The following MEGF8 variants were observed in gnomAD, a reference collection of about 807,000 sequenced individuals.
MEGF8 encodes the protein multiple epidermal growth factor-like domains protein 8.
In MEGF8, 156 loss-of-function variants were observed where a neutral mutation model predicts 302.9. That is an observed-to-expected ratio of 0.52 (90% CI 0.45 to 0.59). MEGF8 has a LOEUF of 0.59. Among genes scored for constraint, MEGF8 ranks in the 20% least tolerant of loss-of-function variants. MEGF8 has a pLI of 0.00. For missense variants in MEGF8, 3,345 were observed against 3,964.5 expected (o/e 0.84, Z 4.20); for synonymous variants, 1,621 against 1,660.5 (o/e 0.98, Z 0.58).
At chr19:42,332,790 A>G (rs2039072175) in intron 1 of MEGF8, among the ~76,000 whole-genome samples, 1 of 152,132 alleles carries the variant, frequency 6.6e-6, no homozygotes, top group Admixed American at 6.6e-5. Context: ...CTGTTTTTTT[A>G]TTGGTCAAGC....
At position 42,338,025 on chromosome 19, in the gene MEGF8, C is replaced by CA. The variant is rs1250422817; in HGVS notation, c.1513+822dup. 2.0e-5 allele frequency among the ~76,000 whole-genome samples: 3 copies of CA among 152,050 alleles called. No individual in the cohort carries two copies. The East Asian group carries it at 5.8e-4, about 29-fold the overall frequency. ...TTCATCATGTTGGCCAGGCCAGTCT[C>CA]AAACTCCTGACCTCAAGTGATCCTC... is the stretch of plus-strand genomic sequence containing the variant. On this transcript the variant is annotated intron_variant, in intron 8 of 41. Transcript: ENST00000251268.
At chr19:42,373,239 C>T (rs1034662677) in intron 41 of MEGF8, among the ~76,000 whole-genome samples, 21 of 151,392 alleles carry the variant, frequency 1.4e-4, no homozygotes, top group Non-Finnish European at 2.9e-5. Context: ...ACTACAGGCA[C>T]GTACCACCAC....
In MEGF8 at chr19:42,360,845, G is replaced by A. The variant is rs36016565; in HGVS notation, c.5559G>A (p.Leu1853=). 1.1e-4 allele frequency: 177 copies of A among 1,612,844 alleles called. No homozygotes were observed. The Middle Eastern group carries it at 1.8e-3, about 17-fold the overall frequency. Residue 1853 remains leucine, a synonymous_variant, in exon 32 of 42, where the codon CTG becomes CTA. Transcript: ENST00000251268. ...CTGTGGCAGCAGTCGGGAGCCGCCTGTATATCTCTGGGGGTTTCGGGGGAG... is the reference window on the plus strand; with the variant it reads ...CTGTGGCAGCAGTCGGGAGCCGCCTATATATCTCTGGGGGTTTCGGGGGAG... The part of the protein sequence containing the change: ...AHAVAAVGSR[L]YISGGFGGVA...
chr19:42,369,836 G>T lies in MEGF8; in HGVS notation c.6834+113G>T, dbSNP rs950288705. The stretch of plus-strand genomic sequence containing the variant: ...CCTGAGCCCTGATAAGCCAGGGACA[G>T]ATAAGCCAGAGCCCTGTCCCAGGGA... On this transcript the variant is annotated intron_variant, in intron 38 of 41. Coordinates refer to ENST00000251268, the MANE Select transcript of MEGF8 (RefSeq NM_001271938.2). The surrounding 1 kb of genome is among the most constrained non-coding windows in gnomAD (Gnocchi z 5.7). 11 of 1,211,532 alleles carry T rather than the reference G, an allele frequency of 9.1e-6. No individual in the cohort carries two copies. Among genetic ancestry groups the T allele is most frequent in the African/African-American group, 7.6e-5 (5 of 66,074 alleles). The allele number at this position is 1,211,532 out of a possible 1,614,324, so 75.0% of individuals were successfully genotyped here.
rs1356021231 is a variant in MEGF8, at chr19:42,358,666, T to G, written c.5176-121T>G. On this transcript the variant is annotated intron_variant, in intron 29 of 41. Coordinates refer to ENST00000251268, the MANE Select transcript of MEGF8 (RefSeq NM_001271938.2). This position sits in a 1 kb window ranked among gnomAD's most constrained non-coding sequence, Gnocchi z 4.4. The stretch of plus-strand genomic sequence containing the variant: ...GTGTGGGAGGGCAGGGAGCCCTGTC[T>G]GCACTGGTTAGAGAGGCTGGTGGTT... 8.2e-7 allele frequency: 1 copy of G among 1,215,128 alleles called. No individual in the cohort carries two copies. The highest frequency in any genetic ancestry group is 1.6e-5 in the South Asian group (1 of 61,510). The allele number at this position is 1,215,128 out of a possible 1,614,324, so 75.3% of individuals were successfully genotyped here.
chr19:42,367,944 CAG>C (rs1365893588), intron 35 of MEGF8, among the ~76,000 whole-genome samples: 1 of 152,124 alleles, frequency 6.6e-6, no homozygotes, highest in East Asian at 1.9e-4. Context: ...TTTTTTGAGA[CAG>C]AGTCTTACTC....
rs765273470 is a variant in MEGF8 at position 42,344,679 on chromosome 19, G to A, written c.1943G>A (p.Arg648His). 41 of 1,579,984 alleles carry A rather than the reference G, an allele frequency of 2.6e-5. No homozygotes were observed. Among genetic ancestry groups the A allele is most frequent in the Admixed American group, 1.6e-4 (9 of 56,976 alleles). The part of the protein sequence containing the change: ...ESCLPRPEQA[R>H]CRGEQISGTV... Reference sequence around the variant, plus strand: ...CCCCCTGTCTTCTCAGAGCAGGCCCGCTGCCGAGGGGAGCAGATCTCAGGC... The same window carrying A: ...CCCCCTGTCTTCTCAGAGCAGGCCCACTGCCGAGGGGAGCAGATCTCAGGC... Residue 648 changes from arginine to histidine, a missense_variant, in exon 12 of 42, where the codon CGC (arginine) becomes CAC (histidine). Transcript: ENST00000251268. This position sits in a 1 kb window ranked among gnomAD's most constrained non-coding sequence, Gnocchi z 4.5.
rs116997565 is a variant in MEGF8, at chr19:42,370,027, C to T, written c.6835-162C>T. On this transcript the variant is annotated intron_variant, in intron 38 of 41. Transcript: ENST00000251268. ...CTCAGCACTTTGGGCTGCAGGTGTGCAAGGGAAGGCGGGGGCTAAATCCCG... is the reference window on the plus strand; with the variant it reads ...CTCAGCACTTTGGGCTGCAGGTGTGTAAGGGAAGGCGGGGGCTAAATCCCG... Among the ~76,000 whole-genome samples the T allele has an allele frequency of 8.7e-4, 132 of 152,286 alleles. 2 individuals carry two copies. The East Asian group carries it at 0.02, about 23-fold the overall frequency.
In MEGF8 at chr19:42,357,858, C is replaced by G. The variant is rs375601009; in HGVS notation, c.5011+274C>G. Among the ~76,000 whole-genome samples the G allele has an allele frequency of 1.1e-4, 17 of 152,286 alleles. No individual in the cohort carries two copies. Among genetic ancestry groups the G allele is most frequent in the Admixed American group, 5.9e-4 (9 of 15,308 alleles). Reference sequence around the variant, plus strand: ...TGCTTCTCAAGGGTTCTTCCTCGATCACACCTCCTTTCTTTGATCACTGTC... The same window carrying G: ...TGCTTCTCAAGGGTTCTTCCTCGATGACACCTCCTTTCTTTGATCACTGTC... On this transcript the variant is annotated intron_variant, in intron 28 of 41. Transcript: ENST00000251268. This position sits in a 1 kb window ranked among gnomAD's most constrained non-coding sequence, Gnocchi z 5.2.
chr19:42,334,493 C>T (rs2039098263), intron 3 of MEGF8, among the ~76,000 whole-genome samples: 1 of 152,128 alleles, frequency 6.6e-6, no homozygotes, highest in African/African-American at 2.4e-5. Flanking sequence ...TCCAGCCAGG[C>T]CCAAATCTGT....
intron 41 of MEGF8, among the ~76,000 whole-genome samples, chr19:42,372,748 A>C (rs1317482129): frequency 6.7e-6 from 1 of 150,186 alleles, no homozygotes; most frequent in Non-Finnish European, 1.5e-5. Flanking sequence ...TCTTTGCTCG[A>C]GGCAGCCTCC....
Position 42,354,773 on chromosome 19 carries a change from G to A in MEGF8, c.4144+53G>A. On this transcript the variant is annotated intron_variant, in intron 23 of 41. Coordinates refer to ENST00000251268, the MANE Select transcript of MEGF8 (RefSeq NM_001271938.2). The surrounding 1 kb of genome is among the most constrained non-coding windows in gnomAD (Gnocchi z 4.3). ...CTTAGTCCTGGGCTATGTATCCCTT[G>A]CCCCTGAACTCACCACCTGAAGTGG... is the stretch of plus-strand genomic sequence containing the variant. 1.3e-6 allele frequency: 2 copies of A among 1,535,912 alleles called. No individual in the cohort carries two copies. Among genetic ancestry groups the A allele is most frequent in the Non-Finnish European group, 1.8e-6 (2 of 1,142,082 alleles).
intron 1 of MEGF8, among the ~76,000 whole-genome samples, chr19:42,330,286 T>C (rs1352289354): frequency 6.6e-6 from 1 of 152,086 alleles, no homozygotes; most frequent in African/African-American, 2.4e-5. Context: ...AGGAGGGAGT[T>C]TGGGATCAGA....
chr19:42,376,843 C>G lies in MEGF8; in HGVS notation c.*68C>G, dbSNP rs938270668. ...GGGCCGCCCTGGACTTGGGGTCCCT[C>G]CACCTGGGGGCCCCTGGACACTGTC... On this transcript the variant is annotated 3_prime_UTR_variant, in exon 42 of 42. Coordinates refer to ENST00000251268, the MANE Select transcript of MEGF8 (RefSeq NM_001271938.2). This position sits in a 1 kb window ranked among gnomAD's most constrained non-coding sequence, Gnocchi z 8.2. 5 of 1,403,666 alleles carry G rather than the reference C, an allele frequency of 3.6e-6. No individual in the cohort carries two copies. The African/African-American group carries it at 4.4e-5, about 12-fold the overall frequency. The allele number at this position is 1,403,666 out of a possible 1,614,324, so 87.0% of individuals were successfully genotyped here. A position where few individuals can be genotyped will look rare whatever the true frequency, so the allele number is the denominator to read the frequency against.
rs1206029 is a variant in MEGF8 at position 42,349,849 on chromosome 19, T to G, written c.2499+150T>G. On this transcript the variant is annotated intron_variant, in intron 14 of 41. Coordinates refer to ENST00000251268, the MANE Select transcript of MEGF8 (RefSeq NM_001271938.2). ...TGGCCTCTGAACTCTGGACCTCCTC[T>G]TGAACCCTGTGGCCCCTGACCTCTG... is the stretch of plus-strand genomic sequence containing the variant. 0.063 allele frequency: 50,816 copies of G among 811,498 alleles called. 2,192 individuals carry two copies. Among genetic ancestry groups the G allele is most frequent in the South Asian group, 0.15 (8,811 of 57,364 alleles). The allele number at this position is 811,498 out of a possible 1,614,324, so 50.3% of individuals were successfully genotyped here.
At position 42,357,475 on chromosome 19, in the gene MEGF8, C is replaced by T. The variant is rs753094166; in HGVS notation, c.4902C>T (p.Leu1634=). The part of the protein sequence containing the change: ...TLTARRGLSL[L]LVGGYSPENG... ...CTGCCCGCCGAGGCCTGTCTCTGCT[C>T]CTGGTGGGCGGTTACTCCCCGGAAA... The change falls in exon 28 of 42, where the codon CTC becomes CTT. Residue 1634 remains leucine, a synonymous_variant. Coordinates refer to ENST00000251268, the MANE Select transcript of MEGF8 (RefSeq NM_001271938.2). This position sits in a 1 kb window ranked among gnomAD's most constrained non-coding sequence, Gnocchi z 5.2. 2.5e-6 allele frequency: 4 copies of T among 1,613,822 alleles called. No homozygotes were observed. Among genetic ancestry groups the T allele is most frequent in the Non-Finnish European group, 3.4e-6 (4 of 1,179,816 alleles).
At position 42,356,785 on chromosome 19, in the gene MEGF8, G is replaced by T; in HGVS notation, c.4634G>T (p.Ser1545Ile). The T allele has an allele frequency of 1.3e-6, 2 of 1,550,510 alleles. No homozygotes were observed. The highest frequency in any genetic ancestry group is 8.7e-7 in the Non-Finnish European group (1 of 1,146,474). ...LLGNLYRYSV[S>I]ERRWTQMLAG... Reference sequence around the variant, plus strand: ...CACCCTGGCCCCAGGTACTCAGTGAGTGAGCGGCGGTGGACACAGATGCTG... The same window carrying T: ...CACCCTGGCCCCAGGTACTCAGTGATTGAGCGGCGGTGGACACAGATGCTG... The change falls in exon 27 of 42, where the codon AGT becomes ATT. Residue 1545 changes from serine (S) to isoleucine (I), a missense_variant. Transcript: ENST00000251268. The surrounding 1 kb of genome is among the most constrained non-coding windows in gnomAD (Gnocchi z 5.2).
rs1487013037 is a variant in MEGF8, at chr19:42,336,983, C to T, written c.1390+31C>T. The T allele has an allele frequency of 6.8e-6, 11 of 1,613,550 alleles. No homozygotes were observed. The highest frequency in any genetic ancestry group is 8.5e-6 in the Non-Finnish European group (10 of 1,179,756). The stretch of plus-strand genomic sequence containing the variant: ...GAGGCTCCCCAATCCTGCCTGCCTG[C>T]CTGCTGAGGGCCTGAGCCAACCCTG... On this transcript the variant is annotated intron_variant, in intron 7 of 41. Coordinates refer to ENST00000251268, the MANE Select transcript of MEGF8 (RefSeq NM_001271938.2). This position sits in a 1 kb window ranked among gnomAD's most constrained non-coding sequence, Gnocchi z 4.8.
Position 42,326,089 on chromosome 19 carries a change from T to C in MEGF8, c.-155T>C. The C allele has an allele frequency of 7.9e-7, 1 of 1,271,068 alleles. No homozygotes were observed. The highest frequency in any genetic ancestry group is 1.0e-6 in the Non-Finnish European group (1 of 979,964). The allele number at this position is 1,271,068 out of a possible 1,614,324, so 78.7% of individuals were successfully genotyped here. Reference sequence around the variant, plus strand: ...GAGCCTGTCAGCAGTGGCCGTACCCTTCGCCGGGACTGCCGGGTCTCCGGG... The same window carrying C: ...GAGCCTGTCAGCAGTGGCCGTACCCCTCGCCGGGACTGCCGGGTCTCCGGG... On this transcript the variant is annotated 5_prime_UTR_variant, in exon 1 of 42. Transcript: ENST00000251268.
Sources: gnomAD v4.1 joint callset for allele counts (sites outside exome capture counted in the v4.1 genomes callset) on GRCh38, gnomAD v4.1.1 for gene constraint, Gnocchi (gnomAD v3.1) non-coding constraint, MANE v1.5 for transcripts, NCBI Gene and HGNC (gene_info 2026-07-23, HGNC 2026-07-21) for gene names.